The following TSNARE1 variants were observed in gnomAD, a reference collection of about 807,000 sequenced individuals.
The protein encoded by TSNARE1 is t-SNARE domain containing 1.
Under a neutral mutation model 62.0 loss-of-function variants are expected in TSNARE1, and 49 were observed. That is an observed-to-expected ratio of 0.79 (90% CI 0.63 to 1.00). TSNARE1 has a LOEUF of 1.00. TSNARE1 is among the 50% of genes least tolerant of loss of function. The pLI, the probability that TSNARE1 is intolerant of heterozygous loss-of-function variation, is 0.00. For missense variants in TSNARE1, 755 were observed against 700.1 expected (o/e 1.08, Z -0.88); for synonymous variants, 328 against 294.4 (o/e 1.11, Z -1.17).
intron 13 of TSNARE1, among the ~76,000 whole-genome samples, chr8:142,223,613 CA>C (rs879622560): frequency 0.25 from 1,115 of 4,490 alleles, 272 homozygotes; most frequent in Middle Eastern, 0.5. Context: ...CTCATTTATC[CA>C]CTCACTCACT....
intron 7 of TSNARE1, among the ~76,000 whole-genome samples, chr8:142,318,178 G>A (rs927642012): frequency 6.6e-6 from 1 of 152,192 alleles, no homozygotes; most frequent in Non-Finnish European, 1.5e-5. Flanking sequence ...ATGCAGCAGA[G>A]GGGCAGGGGA....
chr8:142,279,801 C>T (rs1393694859), intron 11 of TSNARE1: 1 of 902,118 alleles, frequency 1.1e-6, no homozygotes, highest in Admixed American at 6.2e-5. Context: ...ACTCGCCGGC[C>T]CTGCTTGCCC....
intron 12 of TSNARE1, 114 bp downstream of exon 12, chr8:142,274,667 C>A (rs1285712825): frequency 7.3e-7 from 1 of 1,370,786 alleles, no homozygotes; most frequent in East Asian, 3.0e-5. Context: ...TGTGGGCATG[C>A]CCCTCCCAGG....
At chr8:142,270,813 G>T (rs1309906187) in intron 12 of TSNARE1, 1 of 985,450 alleles carries the variant, frequency 1.0e-6, no homozygotes, top group Non-Finnish European at 1.2e-6. Context: ...GCCTCCAACA[G>T]CATCATCCCT....
chr8:142,270,302 G>T (rs1320959667), intron 12 of TSNARE1: 2 of 985,304 alleles, frequency 2.0e-6, no homozygotes, highest in Non-Finnish European at 2.4e-6. Flanking sequence ...CCGCAGGGAG[G>T]CTGAAAGCAG....
intron 13 of TSNARE1, among the ~76,000 whole-genome samples, chr8:142,226,952 CACCACT>C: frequency 6.6e-6 from 1 of 151,608 alleles, no homozygotes; most frequent in South Asian, 2.1e-4. Context: ...CAGCCAGGAC[CACCACT>C]GCACCCACAC....
chr8:142,303,115 T>C (rs1193989537), intron 9 of TSNARE1, among the ~76,000 whole-genome samples: 2 of 152,298 alleles, frequency 1.3e-5, no homozygotes, highest in East Asian at 3.9e-4. Flanking sequence ...GCTCGGGGAC[T>C]ATAACCTCAG....
At chr8:142,308,136 G>GT (rs1326140878) in intron 9 of TSNARE1, among the ~76,000 whole-genome samples, 3 of 152,230 alleles carry the variant, frequency 2.0e-5, no homozygotes, top group African/African-American at 7.2e-5. Flanking sequence ...TATTAAGGAT[G>GT]TAAGTCCTTT....
At chr8:142,302,759 T>C (rs1825990034) in intron 9 of TSNARE1, among the ~76,000 whole-genome samples, 2 of 152,122 alleles carry the variant, frequency 1.3e-5, no homozygotes, top group Non-Finnish European at 2.9e-5. Context: ...GCATGAGATC[T>C]GGGTGCAATG....
intron 11 of TSNARE1, among the ~76,000 whole-genome samples, chr8:142,284,212 G>C (rs1249487337): frequency 6.6e-6 from 1 of 152,250 alleles, no homozygotes; most frequent in African/African-American, 2.4e-5. Context: ...GCGGAGCAGG[G>C]ACTAGTGGCA....
In TSNARE1 at chr8:142,391,744, G is replaced by A. The variant is rs902913244; in HGVS notation, c.-40+11360C>T. ...GGCTGCCCGCCCTGCCGCAGCAGCCGGCATGCCTGGCTGTGCACAGTGGCC... is the reference window on the plus strand; with the variant it reads ...GGCTGCCCGCCCTGCCGCAGCAGCCAGCATGCCTGGCTGTGCACAGTGGCC... On this transcript the variant is annotated intron_variant, in intron 1 of 13. Transcript: ENST00000524325. Among the ~76,000 whole-genome samples the A allele has an allele frequency of 8.5e-5, 13 of 152,230 alleles. No homozygotes were observed. The East Asian group carries it at 9.6e-4, about 11-fold the overall frequency.
intron 12 of TSNARE1, among the ~76,000 whole-genome samples, chr8:142,256,986 T>A (rs1333256426): frequency 2.0e-5 from 3 of 152,204 alleles, no homozygotes; most frequent in Non-Finnish European, 4.4e-5. Flanking sequence ...GCATGCCATT[T>A]GCATACAGTT....
At chr8:142,393,742 G>A (rs749691241) in intron 1 of TSNARE1, among the ~76,000 whole-genome samples, 1 of 152,136 alleles carries the variant, frequency 6.6e-6, no homozygotes, top group Non-Finnish European at 1.5e-5. Context: ...CTGCAGATAG[G>A]GAAGCCCAGG....
chr8:142,300,200 G>A (rs999793292), intron 10 of TSNARE1: 3 of 317,098 alleles, frequency 9.5e-6, no homozygotes, highest in Non-Finnish European at 1.7e-5. Flanking sequence ...TGGTGACTGA[G>A]AGGCTACCCC....
chr8:142,330,621 C>T lies in TSNARE1; in HGVS notation c.893+280G>A, dbSNP rs188117026. On this transcript the variant is annotated intron_variant, in intron 6 of 13. Coordinates refer to ENST00000524325, the MANE Select transcript of TSNARE1 (RefSeq NM_145003.5). ...GTGCCAGCAGGCATGCACCCCCTGA[C>T]CTTAGCACACAGGTGCACCTGGGCT... 3.0e-3 allele frequency among the ~76,000 whole-genome samples: 454 copies of T among 152,348 alleles called. 2 individuals carry two copies. Among genetic ancestry groups the T allele is most frequent in the Non-Finnish European group, 5.4e-3 (369 of 68,032 alleles).
At chr8:142,313,784 T>C (rs1232394389) in intron 9 of TSNARE1, among the ~76,000 whole-genome samples, 3 of 152,232 alleles carry the variant, frequency 2.0e-5, no homozygotes, top group Non-Finnish European at 4.4e-5. Context: ...GTTTTTGTTT[T>C]TGTTTTTGAG....
At chr8:142,326,717 G>A (rs1230552803) in intron 6 of TSNARE1, among the ~76,000 whole-genome samples, 2 of 152,248 alleles carry the variant, frequency 1.3e-5, no homozygotes, top group Admixed American at 1.3e-4. Context: ...TAAAGGCCCT[G>A]GAGAGCATGG....
intron 11 of TSNARE1, chr8:142,278,051 G>A: frequency 1.0e-6 from 1 of 985,334 alleles, no homozygotes; most frequent in South Asian, 4.7e-5. Context: ...AGCCATCCCT[G>A]GCCTGCACAG....
chr8:142,275,719 A>C, intron 11 of TSNARE1: 1 of 985,462 alleles, frequency 1.0e-6, no homozygotes, highest in Non-Finnish European at 1.2e-6. Flanking sequence ...CTTGGGAGGC[A>C]GGAGTATCTA....
Sources: allele counts gnomAD v4.1 joint callset (sites outside exome capture counted in the v4.1 genomes callset), GRCh38; gene constraint gnomAD v4.1.1; transcripts MANE v1.5; gene names NCBI Gene and HGNC (gene_info 2026-07-23, HGNC 2026-07-21).